Variants in ZFAT observed in about 807,000 individuals in gnomAD.
The protein encoded by ZFAT is zinc finger protein ZFAT.
A neutral mutation model predicts 117.7 loss-of-function variants in ZFAT; 64 were observed. That is an observed-to-expected ratio of 0.54 (90% confidence interval 0.44 to 0.67). The LOEUF is 0.67. Ranked by LOEUF, ZFAT falls within the 30% of genes least tolerant of loss-of-function variation. The pLI, the probability that ZFAT is intolerant of heterozygous loss-of-function variation, is 0.00. For synonymous variants in ZFAT, 679 were observed against 615.0 expected, an observed-to-expected ratio of 1.10 and a Z score of -1.54; for missense variants, 1,433 against 1,584.5, an observed-to-expected ratio of 0.90 and a Z score of 1.62.
chr8:134,587,811 T>C (rs1826176456), intron 9 of ZFAT, among the ~76,000 whole-genome samples: 1 of 152,214 alleles, frequency 6.6e-6, no homozygotes, highest in South Asian at 2.1e-4. Flanking sequence ...ATAGCCTGAA[T>C]GGTAACACTC....
intron 1 of ZFAT, among the ~76,000 whole-genome samples, chr8:134,680,261 C>CAAAAAA (rs35292754): frequency 2.0e-5 from 1 of 48,914 alleles, no homozygotes; most frequent in Non-Finnish European, 3.8e-5. Context: ...GACTCCCCCT[C>CAAAAAA]AAAAAAAAAA....
chr8:134,731,387 T>G, the ZFAT span, among the ~76,000 whole-genome samples: 1 of 152,262 alleles, frequency 6.6e-6, no homozygotes, highest in South Asian at 2.1e-4. Flanking sequence ...TGTTAGTATA[T>G]TCACACAATG....
At chr8:134,804,672 C>A in the ZFAT span, among the ~76,000 whole-genome samples, 1 of 152,194 alleles carries the variant, frequency 6.6e-6, no homozygotes, top group East Asian at 1.9e-4. Context: ...TAAGGCCCAG[C>A]AGCAGCACGC....
the ZFAT span, among the ~76,000 whole-genome samples, chr8:134,768,803 G>A: frequency 1.1e-4 from 16 of 152,224 alleles, no homozygotes; most frequent in African/African-American, 1.9e-4. Flanking sequence ...ATCTCATGTT[G>A]TCACTTTTCA....
intron 15 of ZFAT, among the ~76,000 whole-genome samples, chr8:134,505,385 T>C (rs1414755444): frequency 6.6e-6 from 1 of 152,208 alleles, no homozygotes. Flanking sequence ...GTGGGCACAG[T>C]AATGCCCGCA....
chr8:134,529,995 C>T (rs1476106749), intron 12 of ZFAT, among the ~76,000 whole-genome samples: 1 of 152,200 alleles, frequency 6.6e-6, no homozygotes, highest in African/African-American at 2.4e-5. Flanking sequence ...ATTTTCCTGA[C>T]CTCCTCTGCA....
intron 1 of ZFAT, among the ~76,000 whole-genome samples, chr8:134,704,811 AC>A (rs1373387519): frequency 3.3e-5 from 5 of 152,206 alleles, no homozygotes; most frequent in Non-Finnish European, 7.3e-5. Context: ...CAAGAAAAAA[AC>A]ATTCTCCATC....
the ZFAT span, among the ~76,000 whole-genome samples, chr8:134,830,125 G>A: frequency 6.6e-6 from 1 of 152,164 alleles, no homozygotes; most frequent in South Asian, 2.1e-4. Flanking sequence ...AAGACCTACA[G>A]GAGGGGGACA....
At chr8:134,490,585 G>A (rs1435978372) in intron 15 of ZFAT, among the ~76,000 whole-genome samples, 1 of 152,212 alleles carries the variant, frequency 6.6e-6, no homozygotes, top group Non-Finnish European at 1.5e-5. Flanking sequence ...TTCTGGCAGG[G>A]GCCAGAGCTG....
intron 15 of ZFAT, among the ~76,000 whole-genome samples, chr8:134,495,482 A>C (rs1009089501): frequency 6.6e-6 from 1 of 152,210 alleles, no homozygotes; most frequent in Non-Finnish European, 1.5e-5. Context: ...TCGGTTCATC[A>C]TCATGCCTCC....
chr8:134,616,780 G>A (rs966726310), intron 3 of ZFAT, among the ~76,000 whole-genome samples: 32 of 152,196 alleles, frequency 2.1e-4, no homozygotes, highest in African/African-American at 6.8e-4. Context: ...AACCACTGCA[G>A]AGAGGTAGTG....
chr8:134,625,932 G>A lies in ZFAT; in HGVS notation c.448+11529C>T, dbSNP rs16905202. Among the ~76,000 whole-genome samples, 84 of 152,294 alleles carry A rather than the reference G, an allele frequency of 5.5e-4. 1 individual carries two copies. The East Asian group carries it at 0.013, about 23-fold the overall frequency. On this transcript the variant is annotated intron_variant, in intron 3 of 15. Transcript: ENST00000377838. ...TCGTGGACCCTCCACACTGAAAATC[G>A]CTGCACTTCAGAGAGCAACTGTAGG...
At chr8:134,680,410 C>T (rs940621667) in intron 1 of ZFAT, among the ~76,000 whole-genome samples, 6 of 151,950 alleles carry the variant, frequency 3.9e-5, no homozygotes, top group South Asian at 2.1e-4. Flanking sequence ...AAACTTTGTG[C>T]TACTTTTACA....
At chr8:134,741,720 A>G in the ZFAT span, among the ~76,000 whole-genome samples, 79 of 151,486 alleles carry the variant, frequency 5.2e-4, no homozygotes, top group Non-Finnish European at 9.9e-4. Context: ...AGACTCATAC[A>G]CTCTGCCTAC....
chr8:134,686,848 T>C (rs965790159), intron 1 of ZFAT, among the ~76,000 whole-genome samples: 4 of 152,168 alleles, frequency 2.6e-5, no homozygotes, highest in Non-Finnish European at 5.9e-5. Flanking sequence ...TTCCAATGGA[T>C]GGATTCTGCA....
chr8:134,618,020 C>A (rs1458295687), intron 3 of ZFAT, among the ~76,000 whole-genome samples: 1 of 152,066 alleles, frequency 6.6e-6, no homozygotes, highest in Non-Finnish European at 1.5e-5. Context: ...TCCGCTTTTG[C>A]TTCTTCCTCA....
At chr8:134,704,757 G>C (rs1461511371) in intron 1 of ZFAT, among the ~76,000 whole-genome samples, 2 of 152,064 alleles carry the variant, frequency 1.3e-5, no homozygotes, top group East Asian at 3.9e-4. Flanking sequence ...AGGAAGAAAA[G>C]GTTCTTCTAA....
chr8:134,613,249 C>T (rs540361368), intron 3 of ZFAT, among the ~76,000 whole-genome samples: 3 of 152,294 alleles, frequency 2.0e-5, no homozygotes, highest in African/African-American at 7.2e-5. Flanking sequence ...AGAAGCTCAA[C>T]CCAGGTTAAC....
chr8:134,653,419 G>GTTTTTTTT (rs61711569), intron 2 of ZFAT, among the ~76,000 whole-genome samples: 2 of 51,330 alleles, frequency 3.9e-5, no homozygotes, highest in Non-Finnish European at 6.6e-5. Context: ...CGTTTTATCT[G>GTTTTTTTT]TTTTTTTTTT....
Sources: allele counts gnomAD v4.1 joint callset (sites outside exome capture counted in the v4.1 genomes callset), GRCh38; gene constraint gnomAD v4.1.1; transcripts MANE v1.5; gene names NCBI Gene and HGNC (gene_info 2026-07-23, HGNC 2026-07-21).